Variants in SPATA6 observed in about 807,000 individuals in gnomAD.
SPATA6 encodes spermatogenesis associated 6.
In SPATA6, 56 loss-of-function variants were observed where a neutral mutation model predicts 65.3. The observed-to-expected ratio is 0.86, with a 90% CI of 0.69 to 1.07. The LOEUF (loss-of-function observed/expected upper bound fraction) is 1.07. Ranked by LOEUF, SPATA6 falls within the 50% of genes least tolerant of loss-of-function variation. The probability of loss-of-function intolerance (pLI) is 0.00; values close to 1 mark genes in which losing one functional copy is unlikely to be tolerated. For synonymous variants in SPATA6, 199 were observed against 213.2 expected, an observed-to-expected ratio of 0.93 and a Z score of 0.58; for missense variants, 590 against 594.8, an observed-to-expected ratio of 0.99 and a Z score of 0.08.
At chr1:48,451,401 A>T in intron 3 of SPATA6, 151 bp downstream of exon 3, 1 of 553,252 alleles carries the variant, frequency 1.8e-6, no homozygotes, top group Non-Finnish European at 3.1e-6. Flanking sequence ...AATATTCTGA[A>T]ATTCTAAAAA....
chr1:48,300,891 G>A (rs1166445448), intron 12 of SPATA6, among the ~76,000 whole-genome samples: 3 of 151,968 alleles, frequency 2.0e-5, no homozygotes, highest in Non-Finnish European at 1.5e-5. Flanking sequence ...TCCATAAACT[G>A]GGCATGGAAG....
downstream of SPATA6, among the ~76,000 whole-genome samples, chr1:48,291,984 CTG>C (rs1307825665): frequency 6.6e-6 from 1 of 152,078 alleles, no homozygotes; most frequent in Non-Finnish European, 1.5e-5. Flanking sequence ...TATCGTTTAC[CTG>C]TGTTGTCTTG....
chr1:48,369,581 A>C (rs1647164572), intron 9 of SPATA6, among the ~76,000 whole-genome samples: 2 of 152,336 alleles, frequency 1.3e-5, no homozygotes, highest in South Asian at 4.1e-4. Context: ...CCTCCGAGCC[A>C]TGTGTGGGAT....
chr1:48,452,674 G>A (rs182290892), intron 2 of SPATA6, among the ~76,000 whole-genome samples: 9 of 152,174 alleles, frequency 5.9e-5, no homozygotes, highest in Admixed American at 2.0e-4. Context: ...ATGAGCCACC[G>A]CACACGGCTG....
chr1:48,445,467 T>C (rs1457660756), intron 3 of SPATA6, among the ~76,000 whole-genome samples: 3 of 152,150 alleles, frequency 2.0e-5, no homozygotes, highest in South Asian at 2.1e-4. Flanking sequence ...GAGACCATCC[T>C]GGCTAACATG....
intron 2 of SPATA6, 62 bp downstream of exon 2, chr1:48,452,932 T>A: frequency 6.4e-7 from 1 of 1,556,452 alleles, no homozygotes; most frequent in Middle Eastern, 1.7e-4. Flanking sequence ...AGGCTTTTAT[T>A]CAAAAATTGG....
rs1430223157 is a variant in SPATA6 at position 48,452,409 on chromosome 1, A to C, written c.189+585T>G. 8.0e-5 allele frequency among the ~76,000 whole-genome samples: 12 copies of C among 149,738 alleles called. No individual in the cohort carries two copies. The South Asian group carries it at 2.5e-3, about 31-fold the overall frequency. Reference sequence around the variant, plus strand: ...ATTCTTTTTTTTTTTTTTTAGATGGAGTCTTGTTCTGTCACCCAGGCTGGA... The same window carrying C: ...ATTCTTTTTTTTTTTTTTTAGATGGCGTCTTGTTCTGTCACCCAGGCTGGA... On this transcript the variant is annotated intron_variant, in intron 2 of 12. Transcript: ENST00000371847.
chr1:48,432,017 G>A (rs1178396842), intron 3 of SPATA6, among the ~76,000 whole-genome samples: 1 of 152,088 alleles, frequency 6.6e-6, no homozygotes, highest in Admixed American at 6.6e-5. Flanking sequence ...GCCTGAGGTG[G>A]GAGAATGGCT....
chr1:48,402,069 G>A (rs1166713605), intron 6 of SPATA6, among the ~76,000 whole-genome samples: 2 of 151,988 alleles, frequency 1.3e-5, no homozygotes, highest in Non-Finnish European at 2.9e-5. Context: ...AATATTTAAA[G>A]AAAATGTATT....
intron 9 of SPATA6, among the ~76,000 whole-genome samples, chr1:48,367,281 G>T (rs1647053131): frequency 6.6e-6 from 1 of 152,148 alleles, no homozygotes; most frequent in Non-Finnish European, 1.5e-5. Flanking sequence ...TGTTGATTTG[G>T]GGTGGAGAGT....
intron 11 of SPATA6, among the ~76,000 whole-genome samples, chr1:48,344,952 A>G (rs1354628743): frequency 6.6e-6 from 1 of 152,188 alleles, no homozygotes; most frequent in East Asian, 1.9e-4. Context: ...CACTGACAAT[A>G]TGAGACAGAT....
intron 11 of SPATA6, among the ~76,000 whole-genome samples, chr1:48,317,672 T>TA (rs962269033): frequency 1.6e-4 from 24 of 147,852 alleles, no homozygotes; most frequent in South Asian, 4.3e-4. Flanking sequence ...AAACTTAAAG[T>TA]AAAAAAAAAA....
chr1:48,356,189 T>C (rs1646654234), intron 10 of SPATA6, among the ~76,000 whole-genome samples: 1 of 152,148 alleles, frequency 6.6e-6, no homozygotes, highest in African/African-American at 2.4e-5. Context: ...AATGGTTTCT[T>C]TTCAACACAG....
At chr1:48,395,221 T>C in intron 8 of SPATA6, 46 bp downstream of exon 8, 3 of 1,416,658 alleles carry the variant, frequency 2.1e-6, no homozygotes, top group Non-Finnish European at 2.8e-6. Flanking sequence ...GGCTTGATTG[T>C]AGCTCAGGCA....
chr1:48,277,134 G>C, the SPATA6 span, among the ~76,000 whole-genome samples: 1 of 149,756 alleles, frequency 6.7e-6, no homozygotes, highest in Non-Finnish European at 1.5e-5. Flanking sequence ...GTAGAGATGG[G>C]GTTTCTCCTT....
intron 11 of SPATA6, among the ~76,000 whole-genome samples, chr1:48,316,500 A>G (rs999155940): frequency 2.0e-5 from 3 of 152,168 alleles, no homozygotes; most frequent in African/African-American, 7.2e-5. Flanking sequence ...CTGAAACTGG[A>G]TCCCTTCCTA....
At position 48,391,936 on chromosome 1, in the gene SPATA6, C is replaced by T. The variant is rs1341705233; in HGVS notation, c.868+3331G>A. 4.6e-5 allele frequency among the ~76,000 whole-genome samples: 7 copies of T among 151,834 alleles called. No individual in the cohort carries two copies. The East Asian group carries it at 7.7e-4, about 17-fold the overall frequency. ...GTCAAATCTTGTGTGTATGACTTGGCGCAACTTACTATCCTTCTTTAAACC... is the reference window on the plus strand; with the variant it reads ...GTCAAATCTTGTGTGTATGACTTGGTGCAACTTACTATCCTTCTTTAAACC... On this transcript the variant is annotated intron_variant, in intron 8 of 12. Transcript: ENST00000371847.
At chr1:48,465,811 C>T (rs1355997746) in intron 1 of SPATA6, among the ~76,000 whole-genome samples, 1 of 152,066 alleles carries the variant, frequency 6.6e-6, no homozygotes, top group Non-Finnish European at 1.5e-5. Context: ...GCACCAAACC[C>T]AACAAAGTGT....
chr1:48,318,366 A>G (rs1173893101), intron 11 of SPATA6, among the ~76,000 whole-genome samples: 1 of 152,154 alleles, frequency 6.6e-6, no homozygotes, highest in Non-Finnish European at 1.5e-5. Flanking sequence ...ATGATTCTGT[A>G]TTTTAAAAAT....
Sources: allele counts gnomAD v4.1 joint callset (sites outside exome capture counted in the v4.1 genomes callset), GRCh38; gene constraint gnomAD v4.1.1; transcripts MANE v1.5; gene names NCBI Gene and HGNC (gene_info 2026-07-23, HGNC 2026-07-21).